Variants in HECW2 observed in about 807,000 individuals in gnomAD.
HECW2 encodes the protein E3 ubiquitin-protein ligase HECW2.
HECW2 carries 61 observed loss-of-function variants against 175.2 expected under a neutral mutation model. The ratio of observed to expected loss-of-function variants is 0.35; its 90% CI spans 0.28 to 0.43. HECW2 has a LOEUF of 0.43. Among genes scored for constraint, HECW2 ranks in the 20% least tolerant of loss-of-function variants. The probability of loss-of-function intolerance (pLI) is 1.00; values close to 1 mark genes in which losing one functional copy is unlikely to be tolerated. For synonymous variants in HECW2, 671 were observed against 731.0 expected (o/e 0.92, Z 1.32); for missense variants, 1,524 against 2,000.5 (o/e 0.76, Z 4.54).
At chr2:196,443,744 T>C (rs1696103861) in intron 1 of HECW2, among the ~76,000 whole-genome samples, 1 of 152,182 alleles carries the variant, frequency 6.6e-6, no homozygotes, top group African/African-American at 2.4e-5. Context: ...TATTAACAAA[T>C]ACTAACCAGG....
intron 1 of HECW2, among the ~76,000 whole-genome samples, chr2:196,495,773 T>A (rs914663875): frequency 1.3e-5 from 2 of 152,198 alleles, no homozygotes; most frequent in Non-Finnish European, 2.9e-5. Context: ...TTCTATGAGA[T>A]AATATATGTA....
rs1022647898 is a variant in HECW2, at chr2:196,261,112, T to C, written c.3336-3206A>G. Among the ~76,000 whole-genome samples, 3 of 152,068 alleles carry C rather than the reference T, an allele frequency of 2.0e-5. No individual in the cohort carries two copies. The East Asian group carries it at 5.8e-4, about 29-fold the overall frequency. On this transcript the variant is annotated intron_variant, in intron 17 of 28. Coordinates refer to ENST00000644978, the MANE Select transcript of HECW2 (RefSeq NM_001348768.2). ...AGGGCCTTGATGTTCAATATGATAA[T>C]AACACCAGTCCCCATCTGCCACTTA... is the stretch of plus-strand genomic sequence containing the variant.
intron 2 of HECW2, among the ~76,000 whole-genome samples, chr2:196,357,808 C>A (rs1479029146): frequency 6.6e-6 from 1 of 152,158 alleles, no homozygotes; most frequent in Non-Finnish European, 1.5e-5. Flanking sequence ...TCTCTCCTGC[C>A]ACCTTGCGAA....
chr2:196,271,783 T>G (rs1283682948), intron 16 of HECW2, among the ~76,000 whole-genome samples: 3 of 152,206 alleles, frequency 2.0e-5, no homozygotes, highest in African/African-American at 7.2e-5. Flanking sequence ...AAATGAAATC[T>G]GTTTTTCTGG....
At chr2:196,355,214 C>G (rs55808449) in intron 2 of HECW2, among the ~76,000 whole-genome samples, 11,339 of 152,248 alleles carry the variant, frequency 0.074, 636 homozygotes, top group African/African-American at 0.16. Flanking sequence ...TGTAAAACTT[C>G]AGACTTCAAG....
chr2:196,221,021 T>A, intron 24 of HECW2, 80 bp from the exon 25 acceptor site: 1 of 1,491,120 alleles, frequency 6.7e-7, no homozygotes, highest in Non-Finnish European at 9.2e-7. Context: ...TGAGCTGAAA[T>A]CAGCCAGCTA....
At chr2:196,590,495 G>T (rs1336090670) in intron 1 of HECW2, among the ~76,000 whole-genome samples, 2 of 152,144 alleles carry the variant, frequency 1.3e-5, no homozygotes, top group African/African-American at 4.8e-5. Flanking sequence ...AGTCAGCAAT[G>T]CACAAGAATG....
At chr2:196,549,560 A>C (rs1433079417) in intron 1 of HECW2, among the ~76,000 whole-genome samples, 5 of 151,838 alleles carry the variant, frequency 3.3e-5, no homozygotes, top group Non-Finnish European at 7.4e-5. Context: ...TTAGCTGGTC[A>C]ACACTACATT....
chr2:196,523,604 C>T (rs535346068), intron 1 of HECW2, among the ~76,000 whole-genome samples: 5 of 151,408 alleles, frequency 3.3e-5, no homozygotes, highest in Admixed American at 2.6e-4. Flanking sequence ...ATGATATTGG[C>T]TGTTGGTTTG....
At chr2:196,477,719 G>A (rs1332680315) in intron 1 of HECW2, among the ~76,000 whole-genome samples, 1 of 152,182 alleles carries the variant, frequency 6.6e-6, no homozygotes, top group Non-Finnish European at 1.5e-5. Context: ...TTGGAAAGAA[G>A]CGGGTACAAG....
chr2:196,203,763 T>C (rs1018844185), intron 28 of HECW2, among the ~76,000 whole-genome samples: 2 of 152,224 alleles, frequency 1.3e-5, no homozygotes, highest in East Asian at 1.9e-4. Flanking sequence ...CACAGTACCA[T>C]GGCATTAGTA....
intron 24 of HECW2, 118 bp from the exon 25 acceptor site, chr2:196,221,059 C>A (rs1559444580): frequency 6.4e-6 from 7 of 1,088,786 alleles, no homozygotes; most frequent in Non-Finnish European, 8.0e-6. Flanking sequence ...CTAGGCACAT[C>A]CCACAAGCTG....
chr2:196,296,427 ATAAG>A (rs1690817533), intron 13 of HECW2, among the ~76,000 whole-genome samples: 2 of 152,222 alleles, frequency 1.3e-5, no homozygotes, highest in South Asian at 4.1e-4. Context: ...AATACAGGCT[ATAAG>A]TAAGTAAAAA....
At chr2:196,508,082 TG>T (rs773597495) in intron 1 of HECW2, among the ~76,000 whole-genome samples, 1 of 152,248 alleles carries the variant, frequency 6.6e-6, no homozygotes, top group Non-Finnish European at 1.5e-5. Flanking sequence ...GTAGGGGGAT[TG>T]GATTACTTGA....
chr2:196,556,905 C>T (rs999261038), intron 1 of HECW2, among the ~76,000 whole-genome samples: 12 of 152,208 alleles, frequency 7.9e-5, no homozygotes, highest in Admixed American at 6.5e-4. Context: ...TGCAGTATTC[C>T]TGATTAAGAG....
chr2:196,309,518 C>A (rs1180449806), intron 10 of HECW2, among the ~76,000 whole-genome samples: 3 of 152,192 alleles, frequency 2.0e-5, no homozygotes, highest in African/African-American at 7.2e-5. Flanking sequence ...TACATTAAAG[C>A]ATCTTCAGGA....
intron 17 of HECW2, among the ~76,000 whole-genome samples, chr2:196,258,390 T>C (rs111727783): frequency 7.2e-5 from 11 of 152,322 alleles, no homozygotes; most frequent in African/African-American, 2.6e-4. Flanking sequence ...CTATGCATTA[T>C]ATATTCAGTG....
intron 19 of HECW2, among the ~76,000 whole-genome samples, chr2:196,252,068 A>G (rs1267924850): frequency 6.6e-6 from 1 of 151,688 alleles, no homozygotes; most frequent in Non-Finnish European, 1.5e-5. Context: ...GCATGGTGGC[A>G]TGTATCTGTT....
chr2:196,197,054 C>T lies in HECW2; in HGVS notation c.*4223G>A, dbSNP rs1023074171. 6.6e-6 allele frequency: 1 copy of T among 152,040 alleles called. No homozygotes were observed. Among genetic ancestry groups the T allele is most frequent in the African/African-American group, 2.4e-5 (1 of 41,364 alleles). 9.4% of individuals were successfully genotyped at this position (152,040 alleles called of 1,614,324 possible). On this transcript the variant is annotated 3_prime_UTR_variant, in exon 29 of 29. Transcript: ENST00000644978. ...AGCTCATGTGCCACTGCACTCCAGC[C>T]TGGATGACAGAGCCAGACTGTCTCA...
Sources: gnomAD v4.1 joint callset for allele counts (sites outside exome capture counted in the v4.1 genomes callset) on GRCh38, gnomAD v4.1.1 for gene constraint, MANE v1.5 for transcripts, NCBI Gene and HGNC (gene_info 2026-07-23, HGNC 2026-07-21) for gene names.